The following CA12 variants were observed in gnomAD, a reference collection of about 807,000 sequenced individuals.
The protein encoded by CA12 is carbonic anhydrase 12, also known as carbonate dehydratase XII.
A neutral mutation model predicts 46.8 loss-of-function variants in CA12; 36 were observed. The observed-to-expected ratio is 0.77, with a 90% CI of 0.59 to 1.02. CA12 has a LOEUF of 1.02. Ranked by LOEUF, CA12 falls within the 50% of genes least tolerant of loss-of-function variation. CA12 has a pLI of 0.00. For synonymous variants in CA12, 202 were observed against 187.0 expected (o/e 1.08, Z -0.65); for missense variants, 436 against 451.4 (o/e 0.97, Z 0.31).
At chr15:63,351,386 C>T (rs2039229733) in intron 2 of CA12, among the ~76,000 whole-genome samples, 1 of 152,198 alleles carries the variant, frequency 6.6e-6, no homozygotes, top group Non-Finnish European at 1.5e-5. Flanking sequence ...CTTGTCATAG[C>T]CTGGCTTGGG....
At chr15:63,360,699 C>T (rs1351314489) in intron 2 of CA12, among the ~76,000 whole-genome samples, 4 of 152,242 alleles carry the variant, frequency 2.6e-5, no homozygotes, top group Non-Finnish European at 5.9e-5. Flanking sequence ...CTGCTAACTC[C>T]TGTGTGTTTC....
intron 4 of CA12, among the ~76,000 whole-genome samples, chr15:63,343,847 G>C (rs1397591874): frequency 6.6e-6 from 1 of 152,126 alleles, no homozygotes; most frequent in Non-Finnish European, 1.5e-5. Flanking sequence ...AAATCACTAA[G>C]CCAAAGAGAA....
chr15:63,361,477 C>G (rs1411636618), intron 2 of CA12, among the ~76,000 whole-genome samples: 4 of 152,284 alleles, frequency 2.6e-5, no homozygotes, highest in East Asian at 1.9e-4. Flanking sequence ...GGGGGTGCTA[C>G]TAGCATCTAG....
chr15:63,342,378 A>G (rs1467885592), intron 4 of CA12, among the ~76,000 whole-genome samples: 2 of 152,206 alleles, frequency 1.3e-5, no homozygotes, highest in Non-Finnish European at 2.9e-5. Flanking sequence ...GAAAACTCAA[A>G]TTGGAGGCTT....
At chr15:63,344,096 T>C (rs1331817620) in intron 4 of CA12, among the ~76,000 whole-genome samples, 2 of 152,194 alleles carry the variant, frequency 1.3e-5, no homozygotes, top group African/African-American at 4.8e-5. Context: ...ACAAATGCAT[T>C]TCTAATTGCT....
chr15:63,337,202 G>A (rs2039014639), intron 8 of CA12, among the ~76,000 whole-genome samples: 1 of 152,192 alleles, frequency 6.6e-6, no homozygotes, highest in Admixed American at 6.5e-5. Flanking sequence ...ACCTGGAGAG[G>A]AGAAAACACA....
intron 2 of CA12, among the ~76,000 whole-genome samples, chr15:63,358,005 TA>T (rs1341203439): frequency 6.6e-6 from 1 of 152,218 alleles, no homozygotes; most frequent in Non-Finnish European, 1.5e-5. Flanking sequence ...TCCTATGCAA[TA>T]AAAAGGGCCT....
intron 2 of CA12, among the ~76,000 whole-genome samples, chr15:63,370,106 G>A (rs1469499554): frequency 1.3e-5 from 2 of 152,078 alleles, no homozygotes; most frequent in South Asian, 2.1e-4. Context: ...ATAGGGGGTC[G>A]GATTTCTAAC....
chr15:63,334,581 A>G (rs1382334739), intron 8 of CA12, among the ~76,000 whole-genome samples: 1 of 152,122 alleles, frequency 6.6e-6, no homozygotes, highest in African/African-American at 2.4e-5. Context: ...TTAAGAATGG[A>G]AAAAAGTGCC....
At chr15:63,359,526 CAT>C (rs1383850805) in intron 2 of CA12, among the ~76,000 whole-genome samples, 1 of 152,124 alleles carries the variant, frequency 6.6e-6, no homozygotes, top group Non-Finnish European at 1.5e-5. Flanking sequence ...CACACACACA[CAT>C]ACACACACAC....
intron 1 of CA12, among the ~76,000 whole-genome samples, chr15:63,380,332 G>A (rs1461953138): frequency 6.6e-6 from 1 of 152,054 alleles, no homozygotes. Flanking sequence ...GAAGAGAACA[G>A]GGAAGGGCAG....
chr15:63,377,633 G>T (rs1234131245), intron 1 of CA12, among the ~76,000 whole-genome samples: 1 of 152,122 alleles, frequency 6.6e-6, no homozygotes, highest in Non-Finnish European at 1.5e-5. Context: ...AAAGTCAGAT[G>T]GTTCTACAAA....
At position 63,325,365 on chromosome 15, in the gene CA12, GCAA is replaced by G. The variant is rs2038852305; in HGVS notation, c.*917_*919del. 1.3e-5 allele frequency: 2 copies of G among 152,270 alleles called. No homozygotes were observed. The highest frequency in any genetic ancestry group is 4.8e-5 in the African/African-American group (2 of 41,536). The allele number at this position is 152,270 out of a possible 1,614,324, so 9.4% of individuals were successfully genotyped here. On this transcript the variant is annotated 3_prime_UTR_variant, in exon 11 of 11. Coordinates refer to ENST00000178638, the MANE Select transcript of CA12 (RefSeq NM_001218.5). This position sits in a 1 kb window ranked among gnomAD's most constrained non-coding sequence, Gnocchi z 4.9. Reference sequence around the variant, plus strand: ...GAACTCATGTCTCCTCCAGGACACAGCAACAACACATTTTCAAGGAACAGCCTC... The same window carrying G: ...GAACTCATGTCTCCTCCAGGACACAGCAACACATTTTCAAGGAACAGCCTC...
chr15:63,342,992 T>A (rs1373748275), intron 4 of CA12, among the ~76,000 whole-genome samples: 2 of 152,220 alleles, frequency 1.3e-5, no homozygotes, highest in African/African-American at 4.8e-5. Context: ...TTTCTTCTTT[T>A]AAGTGGTCCT....
In CA12 at chr15:63,325,959, T is replaced by C. The variant is rs1022058112; in HGVS notation, c.*326A>G. 1 of 352,456 alleles carries C rather than the reference T, an allele frequency of 2.8e-6. No individual in the cohort carries two copies. Among genetic ancestry groups the C allele is most frequent in the East Asian group, 5.8e-5 (1 of 17,306 alleles). The allele number at this position is 352,456 out of a possible 1,614,324, so 21.8% of individuals were successfully genotyped here. On this transcript the variant is annotated 3_prime_UTR_variant, in exon 11 of 11. Transcript: ENST00000178638. The surrounding 1 kb of genome is among the most constrained non-coding windows in gnomAD (Gnocchi z 4.9). Reference sequence around the variant, plus strand: ...GCTCTGGCAAAGCCCCGGATGAAAGTGTTTTCCAACCATTAATGGCCCACC... The same window carrying C: ...GCTCTGGCAAAGCCCCGGATGAAAGCGTTTTCCAACCATTAATGGCCCACC...
intron 2 of CA12, among the ~76,000 whole-genome samples, chr15:63,371,561 G>C (rs1284264540): frequency 6.6e-6 from 1 of 152,380 alleles, no homozygotes; most frequent in East Asian, 1.9e-4. Context: ...CGGGTGCCCT[G>C]TGGGGCTGTG....
At position 63,372,550 on chromosome 15, in the gene CA12, G is replaced by A. The variant is rs949268048; in HGVS notation, c.106+3108C>T. Among the ~76,000 whole-genome samples the A allele has an allele frequency of 4.6e-5, 7 of 152,210 alleles. No individual in the cohort carries two copies. The highest frequency in any genetic ancestry group is 3.8e-4 in the East Asian group (2 of 5,202). On this transcript the variant is annotated intron_variant, in intron 2 of 10. Transcript: ENST00000178638. The surrounding 1 kb of genome is among the most constrained non-coding windows in gnomAD (Gnocchi z 4.5). ...CCTGGAGAATGACTCAGCAGTGTAC[G>A]TGCAAAGAAGCTGAGTTCTGCACAT...
rs1005396257 is a variant in CA12, at chr15:63,340,568, G to A, written c.590-123C>T. ...CCCTTTCAGGGTCATCTAACCCCAG[G>A]ACCTGGTTGCAACATTGTTCAACAA... is the stretch of plus-strand genomic sequence containing the variant. On this transcript the variant is annotated intron_variant, in intron 6 of 10. Coordinates refer to ENST00000178638, the MANE Select transcript of CA12 (RefSeq NM_001218.5). The surrounding 1 kb of genome is among the most constrained non-coding windows in gnomAD (Gnocchi z 4.4). 12 of 1,438,184 alleles carry A rather than the reference G, an allele frequency of 8.3e-6. No individual in the cohort carries two copies. Among genetic ancestry groups the A allele is most frequent in the African/African-American group, 5.6e-5 (4 of 71,600 alleles). 89.1% of individuals were successfully genotyped at this position (1,438,184 alleles called of 1,614,324 possible).
chr15:63,341,699 C>A lies in CA12; in HGVS notation c.525+303G>T, dbSNP rs916795893. On this transcript the variant is annotated intron_variant, in intron 5 of 10. Transcript: ENST00000178638. This position sits in a 1 kb window ranked among gnomAD's most constrained non-coding sequence, Gnocchi z 5.2. ...TGGGGCAGATGGAGTTTGATGATCCCTTTCCAGCACAGGTCCTCCCCAACT... is the reference window on the plus strand; with the variant it reads ...TGGGGCAGATGGAGTTTGATGATCCATTTCCAGCACAGGTCCTCCCCAACT... Among the ~76,000 whole-genome samples the A allele has an allele frequency of 1.3e-5, 2 of 152,196 alleles. No individual in the cohort carries two copies. Among genetic ancestry groups the A allele is most frequent in the African/African-American group, 4.8e-5 (2 of 41,456 alleles).
Sources: allele counts gnomAD v4.1 joint callset (sites outside exome capture counted in the v4.1 genomes callset), GRCh38; gene constraint gnomAD v4.1.1; non-coding constraint Gnocchi (gnomAD v3.1); transcripts MANE v1.5; gene names NCBI Gene and HGNC (gene_info 2026-07-23, HGNC 2026-07-21).